MACROD2: variants seen among roughly 807,000 people sequenced by gnomAD.
MACROD2 encodes ADP-ribose glycohydrolase MACROD2.
MACROD2 carries 36 observed loss-of-function variants against 70.4 expected under a neutral mutation model. The ratio of observed to expected loss-of-function variants is 0.51; its 90% CI spans 0.39 to 0.68. MACROD2 has a LOEUF of 0.68. MACROD2 is among the 30% of genes least tolerant of loss of function. The pLI is 0.00. For synonymous variants in MACROD2, 172 were observed against 178.8 expected (o/e 0.96, Z 0.30); for missense variants, 496 against 538.4 (o/e 0.92, Z 0.78).
intron 3 of MACROD2, among the ~76,000 whole-genome samples, chr20:14,146,221 A>T (rs925697738): frequency 6.6e-6 from 1 of 152,098 alleles, no homozygotes; most frequent in Non-Finnish European, 1.5e-5. Context: ...AGAGAGGCTG[A>T]GGCAGGAGAA....
intron 5 of MACROD2, among the ~76,000 whole-genome samples, chr20:15,159,215 C>A (rs1303223657): frequency 6.6e-6 from 1 of 151,954 alleles, no homozygotes; most frequent in Non-Finnish European, 1.5e-5. Flanking sequence ...AAGGGTAAAG[C>A]CACTGGGGGA....
chr20:14,612,243 TC>T (rs2123430637), intron 4 of MACROD2, among the ~76,000 whole-genome samples: 1 of 152,230 alleles, frequency 6.6e-6, no homozygotes, highest in South Asian at 2.1e-4. Flanking sequence ...AGTCTTTTGA[TC>T]CCAATAATAT....
intron 10 of MACROD2, among the ~76,000 whole-genome samples, chr20:15,919,114 G>A (rs756932605): frequency 2.6e-5 from 4 of 152,154 alleles, no homozygotes; most frequent in Non-Finnish European, 4.4e-5. Context: ...AAGGCAGCTG[G>A]AATTCCTTTA....
chr20:15,009,095 G>C (rs1416226813), intron 5 of MACROD2, among the ~76,000 whole-genome samples: 1 of 152,066 alleles, frequency 6.6e-6, no homozygotes, highest in Non-Finnish European at 1.5e-5. Flanking sequence ...TCCAAATGCT[G>C]GTTGCACAAC....
chr20:15,251,831 T>A (rs1187209697), intron 6 of MACROD2, among the ~76,000 whole-genome samples: 3 of 152,192 alleles, frequency 2.0e-5, no homozygotes, highest in African/African-American at 7.2e-5. Context: ...CTAAAAAATG[T>A]AAATACATAC....
intron 6 of MACROD2, among the ~76,000 whole-genome samples, chr20:15,286,448 C>G (rs771707866): frequency 1.3e-5 from 2 of 150,230 alleles, no homozygotes; most frequent in African/African-American, 4.9e-5. Context: ...GCACTAGGCT[C>G]TCTTCTAAAG....
At chr20:15,644,463 G>A (rs938190412) in intron 8 of MACROD2, among the ~76,000 whole-genome samples, 1 of 152,224 alleles carries the variant, frequency 6.6e-6, no homozygotes, top group African/African-American at 2.4e-5. Context: ...GCCTCACTCA[G>A]CAACCTCTTT....
chr20:15,482,350 T>C (rs1016343233), intron 7 of MACROD2, among the ~76,000 whole-genome samples: 7 of 152,122 alleles, frequency 4.6e-5, no homozygotes, highest in Admixed American at 6.5e-5. Flanking sequence ...ACATCATATG[T>C]CATAAGGTAA....
At chr20:14,780,586 A>C (rs6110430) in intron 5 of MACROD2, among the ~76,000 whole-genome samples, 80,730 of 148,782 alleles carry the variant, frequency 0.54, 22,946 homozygotes, top group Non-Finnish European at 0.62. Context: ...AAAAGTGAAA[A>C]CTCATTATTC....
chr20:14,817,930 C>T (rs939240685), intron 5 of MACROD2, among the ~76,000 whole-genome samples: 1 of 152,068 alleles, frequency 6.6e-6, no homozygotes. Context: ...AGGCGATGAC[C>T]TGTACTAGCA....
At chr20:14,941,598 C>T (rs1388348458) in intron 5 of MACROD2, among the ~76,000 whole-genome samples, 1 of 152,002 alleles carries the variant, frequency 6.6e-6, no homozygotes, top group Non-Finnish European at 1.5e-5. Context: ...TCTCTGTAGC[C>T]CTGGAAACTG....
At chr20:15,228,616 A>T (rs1017041095) in intron 5 of MACROD2, among the ~76,000 whole-genome samples, 3 of 150,228 alleles carry the variant, frequency 2.0e-5, no homozygotes, top group South Asian at 4.2e-4. Flanking sequence ...CAGTCTCCCG[A>T]GTAGCTGGGA....
At chr20:15,274,598 T>C (rs1306907820) in intron 6 of MACROD2, among the ~76,000 whole-genome samples, 1 of 152,208 alleles carries the variant, frequency 6.6e-6, no homozygotes, top group Admixed American at 6.5e-5. Context: ...TCTTCCACAT[T>C]TCTCTTAAGT....
intron 15 of MACROD2, among the ~76,000 whole-genome samples, chr20:16,005,057 G>A (rs996699042): frequency 3.3e-5 from 5 of 151,948 alleles, no homozygotes; most frequent in African/African-American, 9.7e-5. Flanking sequence ...ATATATGGGG[G>A]GAAAATGAAG....
At chr20:15,437,304 T>G (rs930948427) in intron 7 of MACROD2, among the ~76,000 whole-genome samples, 4 of 152,156 alleles carry the variant, frequency 2.6e-5, no homozygotes, top group Admixed American at 1.3e-4. Context: ...GTGACCCACA[T>G]GTACATGATC....
At chr20:15,559,224 CT>C (rs2048209132) in intron 8 of MACROD2, among the ~76,000 whole-genome samples, 1 of 74,806 alleles carries the variant, frequency 1.3e-5, no homozygotes. Context: ...GAAACTCCGT[CT>C]CAAAAAAAAA....
intron 8 of MACROD2, among the ~76,000 whole-genome samples, chr20:15,741,149 TG>T (rs1040134946): frequency 4.7e-5 from 7 of 148,074 alleles, no homozygotes; most frequent in African/African-American, 1.5e-4. Context: ...TGGAGTGCAG[TG>T]GCGCAATCTC....
chr20:14,328,459 A>G (rs922903204), intron 3 of MACROD2, among the ~76,000 whole-genome samples: 5 of 152,060 alleles, frequency 3.3e-5, no homozygotes, highest in South Asian at 2.1e-4. Flanking sequence ...AACTTTTTCT[A>G]TGGCTGGCAA....
At chr20:15,742,621 T>G (rs1473022164) in intron 8 of MACROD2, among the ~76,000 whole-genome samples, 2 of 152,224 alleles carry the variant, frequency 1.3e-5, no homozygotes, top group Admixed American at 6.5e-5. Flanking sequence ...AAAAACTGCT[T>G]TCTAAGGAAT....
Sources: gnomAD v4.1 joint callset for allele counts (sites outside exome capture counted in the v4.1 genomes callset) on GRCh38, gnomAD v4.1.1 for gene constraint, MANE v1.5 for transcripts, NCBI Gene and HGNC (gene_info 2026-07-23, HGNC 2026-07-21) for gene names.